The following KCNN2 variants were observed in gnomAD, a reference collection of about 807,000 sequenced individuals.
KCNN2 encodes small conductance calcium-activated potassium channel protein 2.
KCNN2 carries 24 observed loss-of-function variants against 55.5 expected under a neutral mutation model. The ratio of observed to expected loss-of-function variants is 0.43; its 90% confidence interval spans 0.31 to 0.61. KCNN2 has a LOEUF of 0.61. Ranked by LOEUF, KCNN2 falls within the 20% of genes least tolerant of loss-of-function variation. KCNN2 has a pLI of 0.08. For synonymous variants in KCNN2, 431 were observed against 336.1 expected, an observed-to-expected ratio of 1.28 and a Z score of -3.09; for missense variants, 754 against 853.6, an observed-to-expected ratio of 0.88 and a Z score of 1.45.
chr5:114,377,504 G>A lies in KCNN2; in HGVS notation c.1218+13503G>A, dbSNP rs75405871. The stretch of plus-strand genomic sequence containing the variant: ...AAAGCAGAAGAGCTGCTGCTTGAAT[G>A]AAGGTGATAGATGCCACCTGGCTGG... On this transcript the variant is annotated intron_variant, in intron 2 of 7. Coordinates refer to ENST00000673685, the MANE Select transcript of KCNN2 (RefSeq NM_021614.4). 8.9e-4 allele frequency among the ~76,000 whole-genome samples: 135 copies of A among 152,328 alleles called. 2 individuals carry two copies. The East Asian group carries it at 0.025, about 28-fold the overall frequency.
chr5:114,448,068 T>C (rs1760492801), intron 3 of KCNN2, among the ~76,000 whole-genome samples: 1 of 152,206 alleles, frequency 6.6e-6, no homozygotes, highest in African/African-American at 2.4e-5. Context: ...ATTGAAAGTT[T>C]TGGGGTTTTC....
At chr5:114,223,063 A>T (rs1754174513) in intron 2 of KCNN2, among the ~76,000 whole-genome samples, 1 of 112,762 alleles carries the variant, frequency 8.9e-6, no homozygotes, top group Admixed American at 1.0e-4. Flanking sequence ...TACAAGACAA[A>T]ATGTAAACCT....
chr5:114,164,991 G>C (rs545999278), intron 1 of KCNN2, among the ~76,000 whole-genome samples: 1 of 152,102 alleles, frequency 6.6e-6, no homozygotes, highest in African/African-American at 2.4e-5. Context: ...CAGATGAGAC[G>C]AGTAAGGCAC....
chr5:114,301,743 G>T (rs1756165826), intron 2 of KCNN2, among the ~76,000 whole-genome samples: 1 of 152,146 alleles, frequency 6.6e-6, no homozygotes, highest in South Asian at 2.1e-4. Flanking sequence ...AAAACTTACA[G>T]AAGACTGTAG....
intron 2 of KCNN2, among the ~76,000 whole-genome samples, chr5:114,244,919 C>T (rs1754721838): frequency 6.6e-6 from 1 of 152,062 alleles, no homozygotes. Flanking sequence ...CTGGGTTATT[C>T]TGTAACTTAA....
intron 3 of KCNN2, among the ~76,000 whole-genome samples, chr5:114,431,650 T>C (rs753703366): frequency 5.9e-5 from 9 of 152,144 alleles, no homozygotes; most frequent in Non-Finnish European, 1.2e-4. Context: ...CTTTTTCTCA[T>C]TTTCTAAGGT....
At chr5:114,390,118 A>T (rs564937187) in intron 2 of KCNN2, among the ~76,000 whole-genome samples, 1 of 152,300 alleles carries the variant, frequency 6.6e-6, no homozygotes, top group Non-Finnish European at 1.5e-5. Flanking sequence ...ATGCTAATAC[A>T]TTTTAGCAAT....
chr5:114,231,832 G>T (rs1480830800), intron 2 of KCNN2, among the ~76,000 whole-genome samples: 3 of 144,728 alleles, frequency 2.1e-5, no homozygotes, highest in African/African-American at 7.8e-5. Flanking sequence ...TTCAATTTCT[G>T]TCTTCCCATA....
intron 2 of KCNN2, among the ~76,000 whole-genome samples, chr5:114,352,142 C>T (rs957130642): frequency 8.6e-5 from 13 of 151,630 alleles, no homozygotes; most frequent in East Asian, 3.9e-4. Context: ...TACTTAATCA[C>T]GGTCAGTTTT....
chr5:114,412,402 AATGAACTTT>A (rs1419550159), intron 3 of KCNN2, among the ~76,000 whole-genome samples: 1 of 150,896 alleles, frequency 6.6e-6, no homozygotes, highest in Non-Finnish European at 1.5e-5. Context: ...CATGCTTTTA[AATGAACTTT>A]AAGATTCAAT....
At chr5:114,249,833 G>A (rs965483782) in intron 2 of KCNN2, among the ~76,000 whole-genome samples, 2 of 151,438 alleles carry the variant, frequency 1.3e-5, no homozygotes, top group African/African-American at 2.4e-5. Context: ...AAATATCATC[G>A]ATCTGAATAT....
rs1381392293 is a variant in KCNN2, at chr5:114,123,524, G to A, written c.-271+67024G>A. 5.9e-5 allele frequency among the ~76,000 whole-genome samples: 7 copies of A among 119,290 alleles called. 2 individuals are homozygous for A. The highest frequency in any genetic ancestry group is 5.0e-4 in the South Asian group (2 of 4,040). 78.3% of individuals were successfully genotyped at this position (119,290 alleles called of 152,430 possible). ...ACTACAGGCGCCCGCCACCACGCCC[G>A]GCTAATTTTTTGTGTTTTTTAGTAG... On this transcript the variant is annotated intron_variant, in intron 1 of 10. Coordinates refer to the KCNN2 transcript ENST00000512097.
At chr5:114,127,666 T>C (rs899458793) in intron 1 of KCNN2, among the ~76,000 whole-genome samples, 1 of 152,222 alleles carries the variant, frequency 6.6e-6, no homozygotes, top group African/African-American at 2.4e-5. Context: ...CTCCTTGTTT[T>C]TTATGCAAAT....
At chr5:114,359,825 T>C (rs13178043), upstream of KCNN2, among the ~76,000 whole-genome samples, 1 of 152,248 alleles carries the variant, frequency 6.6e-6, no homozygotes, top group African/African-American at 2.4e-5. Flanking sequence ...TTGATGGATT[T>C]TCCGCATGAG....
intron 2 of KCNN2, among the ~76,000 whole-genome samples, chr5:114,247,656 C>T (rs201693797): frequency 6.6e-6 from 1 of 152,160 alleles, no homozygotes; most frequent in East Asian, 1.9e-4. Context: ...TAAGAGCATG[C>T]TCACGTACCC....
intron 3 of KCNN2, among the ~76,000 whole-genome samples, chr5:114,425,202 A>G (rs1312023244): frequency 6.6e-6 from 1 of 152,238 alleles, no homozygotes; most frequent in Non-Finnish European, 1.5e-5. Context: ...CTTAACTATC[A>G]TGCTTTTAAA....
chr5:114,276,155 A>C (rs760566869), intron 2 of KCNN2, among the ~76,000 whole-genome samples: 3 of 152,142 alleles, frequency 2.0e-5, no homozygotes, highest in Non-Finnish European at 4.4e-5. Flanking sequence ...GAGTTTCTTA[A>C]TTCTGAGTTC....
intron 2 of KCNN2, among the ~76,000 whole-genome samples, chr5:114,251,903 G>A (rs1258783898): frequency 2.1e-5 from 3 of 142,234 alleles, no homozygotes; most frequent in African/African-American, 7.7e-5. Flanking sequence ...TTTTGAGACA[G>A]GATCTCGCTC....
At chr5:114,361,798 C>T (rs554513257), upstream of KCNN2, among the ~76,000 whole-genome samples, 225 of 152,278 alleles carry the variant, frequency 1.5e-3, 2 homozygotes, top group South Asian at 0.023. Flanking sequence ...TGCGTGGGGG[C>T]TCTCCATCTC....
Sources: allele counts gnomAD v4.1 joint callset (sites outside exome capture counted in the v4.1 genomes callset), GRCh38; gene constraint gnomAD v4.1.1; transcripts MANE v1.5; gene names NCBI Gene and HGNC (gene_info 2026-07-23, HGNC 2026-07-21).